The following SLF1 variants were observed in gnomAD, a reference collection of about 807,000 sequenced individuals.
SLF1 encodes the protein SMC5-SMC6 complex localization factor protein 1.
In SLF1, 105 loss-of-function variants were observed where a neutral mutation model predicts 123.0. The observed-to-expected ratio is 0.85, with a 90% CI of 0.73 to 1.00. The LOEUF is 1.00. Among genes scored for constraint, SLF1 ranks in the 50% least tolerant of loss-of-function variants. The probability of loss-of-function intolerance (pLI) is 0.00; values close to 1 mark genes in which losing one functional copy is unlikely to be tolerated. For synonymous variants in SLF1, 434 were observed against 406.6 expected (o/e 1.07, Z -0.81); for missense variants, 1,239 against 1,223.0 (o/e 1.01, Z -0.20).
intron 13 of SLF1, 119 bp downstream of exon 13, chr5:94,670,398 A>G (rs1438346055): frequency 5.6e-6 from 5 of 900,672 alleles, no homozygotes; most frequent in Middle Eastern, 3.7e-4. Context: ...CTATTTTAAG[A>G]TAGATTTGTT....
intron 1 of SLF1, among the ~76,000 whole-genome samples, chr5:94,620,415 G>A (rs1379023401): frequency 6.6e-6 from 1 of 152,044 alleles, no homozygotes; most frequent in African/African-American, 2.4e-5. Context: ...GATCAAATGT[G>A]GTTACTTTTC....
Position 94,628,868 on chromosome 5 carries a change from A to G in SLF1, c.58A>G (p.Lys20Glu). 1 of 1,550,532 alleles carries G rather than the reference A, an allele frequency of 6.4e-7. No homozygotes were observed. Among genetic ancestry groups the G allele is most frequent in the Non-Finnish European group, 8.7e-7 (1 of 1,146,510 alleles). ...IQMTGFKMEE[K>E]EALVKLLLKL... ...GATGACAGGATTTAAGATGGAAGAA[A>G]AAGAAGCGCTAGTCAAATTACTTTT... is the stretch of plus-strand genomic sequence containing the variant. Residue 20 changes from lysine to glutamate, a missense_variant, in exon 2 of 21, where the codon AAA (lysine) becomes GAA (glutamate). Transcript: ENST00000265140.
chr5:94,664,003 C>T, intron 11 of SLF1, 95 bp downstream of exon 11: 1 of 1,254,706 alleles, frequency 8.0e-7, no homozygotes, highest in African/African-American at 1.5e-5. Flanking sequence ...TTTATTTTCC[C>T]TGTTCAGTGT....
chr5:94,663,543 T>C (rs1241743714), intron 10 of SLF1, among the ~76,000 whole-genome samples: 18 of 152,082 alleles, frequency 1.2e-4, no homozygotes, highest in Admixed American at 1.0e-3. Flanking sequence ...ATTCAGGAGG[T>C]TGAGGCAGGA....
intron 1 of SLF1, among the ~76,000 whole-genome samples, chr5:94,628,477 G>A (rs1744840283): frequency 6.6e-6 from 1 of 152,154 alleles, no homozygotes; most frequent in South Asian, 2.1e-4. Flanking sequence ...ACATTATTAT[G>A]CCAGTATTTG....
chr5:94,649,561 GA>G lies in SLF1; in HGVS notation c.705del (p.Gly236ValfsTer3). On this transcript the variant is annotated frameshift_variant, in exon 6 of 21. Coordinates refer to ENST00000265140, the MANE Select transcript of SLF1 (RefSeq NM_032290.4). LOFTEE classifies it high-confidence loss of function. ...FRKDAGFLEM[K>X]GALRETMYRT... The stretch of plus-strand genomic sequence containing the variant: ...GGAAAGATGCAGGATTTCTTGAAAT[GA>G]AAGGTGCCTTAAGAGAGACCATGTA... 6.5e-7 allele frequency: 1 copy of G among 1,538,254 alleles called. No homozygotes were observed. Among genetic ancestry groups the G allele is most frequent in the Non-Finnish European group, 8.8e-7 (1 of 1,137,668 alleles).
At chr5:94,674,244 T>C (rs935201881) in intron 14 of SLF1, among the ~76,000 whole-genome samples, 1 of 152,190 alleles carries the variant, frequency 6.6e-6, no homozygotes, top group Non-Finnish European at 1.5e-5. Flanking sequence ...ACAATTTTAC[T>C]AAGTCTTCAA....
chr5:94,691,580 T>C lies in SLF1; in HGVS notation c.2436T>C (p.His812=). The C allele has an allele frequency of 6.2e-7, 1 of 1,610,802 alleles. No individual in the cohort carries two copies. The highest frequency in any genetic ancestry group is 1.1e-5 in the South Asian group (1 of 90,358). The change falls in exon 19 of 21, where the codon CAT becomes CAC. Residue 812 remains histidine, a synonymous_variant. Coordinates refer to ENST00000265140, the MANE Select transcript of SLF1 (RefSeq NM_032290.4). The part of the protein sequence containing the change: ...KTNLKGETAL[H]RACINNQVEK... ...TTATGGCAGGAGAAACAGCCCTGCA[T>C]AGAGCTTGCATAAATAACCAAGTGG...
chr5:94,628,382 C>T (rs940276182), intron 1 of SLF1, among the ~76,000 whole-genome samples: 2 of 152,190 alleles, frequency 1.3e-5, no homozygotes, highest in East Asian at 1.9e-4. Flanking sequence ...CGTGATCCGC[C>T]GGCCTCGGCC....
In SLF1 at chr5:94,670,147, T is replaced by C; in HGVS notation, c.1533-4T>C. The C allele has an allele frequency of 6.5e-7, 1 of 1,533,984 alleles. No homozygotes were observed. Among genetic ancestry groups the C allele is most frequent in the African/African-American group, 1.4e-5 (1 of 72,150 alleles). On this transcript the variant is annotated splice_region_variant and splice_polypyrimidine_tract_variant and intron_variant, in intron 12 of 20. Transcript: ENST00000265140. Reference sequence around the variant, plus strand: ...TTATAGATTTTTGGGTTCATGTTTTTCAGGTCTTGCCTTTTCAATGAAAGC... The same window carrying C: ...TTATAGATTTTTGGGTTCATGTTTTCCAGGTCTTGCCTTTTCAATGAAAGC...
At chr5:94,639,259 C>T (rs899128549) in intron 4 of SLF1, among the ~76,000 whole-genome samples, 3 of 151,974 alleles carry the variant, frequency 2.0e-5, no homozygotes, top group African/African-American at 7.3e-5. Context: ...AGGCTGGTCT[C>T]GAACTTCTGA....
chr5:94,662,216 GTTTT>G, intron 9 of SLF1, 78 bp from the exon 10 acceptor site: 1 of 1,221,484 alleles, frequency 8.2e-7, no homozygotes, highest in South Asian at 1.5e-5. Context: ...TGTTTTATAT[GTTTT>G]TCCAAGGTTT....
At chr5:94,683,108 T>A (rs1169838705) in intron 15 of SLF1, among the ~76,000 whole-genome samples, 1 of 152,226 alleles carries the variant, frequency 6.6e-6, no homozygotes, top group East Asian at 1.9e-4. Flanking sequence ...GGTTTTTTTT[T>A]CATATCTTTG....
chr5:94,675,988 G>A (rs931784217), intron 14 of SLF1, among the ~76,000 whole-genome samples: 5 of 149,994 alleles, frequency 3.3e-5, no homozygotes, highest in African/African-American at 1.2e-4. Flanking sequence ...TCACTTTGTG[G>A]GCTAACATCC....
chr5:94,681,955 C>G (rs1050917994), intron 15 of SLF1, among the ~76,000 whole-genome samples: 4 of 152,160 alleles, frequency 2.6e-5, no homozygotes, highest in Non-Finnish European at 5.9e-5. Flanking sequence ...ATGTTTAAAA[C>G]TTTTAAATTG....
intron 11 of SLF1, among the ~76,000 whole-genome samples, chr5:94,665,136 T>C (rs1408398990): frequency 6.6e-6 from 1 of 152,228 alleles, no homozygotes; most frequent in Non-Finnish European, 1.5e-5. Flanking sequence ...ATCTTTATTT[T>C]ACAGGTGAGG....
chr5:94,623,252 C>T (rs1791951880), intron 1 of SLF1, among the ~76,000 whole-genome samples: 1 of 151,958 alleles, frequency 6.6e-6, no homozygotes, highest in South Asian at 2.1e-4. Context: ...AACTCCATAC[C>T]ACAGAGACAG....
At chr5:94,674,437 T>G (rs1190041886) in intron 14 of SLF1, among the ~76,000 whole-genome samples, 2 of 152,236 alleles carry the variant, frequency 1.3e-5, no homozygotes, top group African/African-American at 2.4e-5. Context: ...CAAATTAATA[T>G]TTTATTTAAC....
chr5:94,636,077 T>A (rs1401821289), intron 4 of SLF1, among the ~76,000 whole-genome samples: 1 of 152,138 alleles, frequency 6.6e-6, no homozygotes, highest in Non-Finnish European at 1.5e-5. Flanking sequence ...TATTGGCAGT[T>A]TTTTTCCTTT....
Sources: gnomAD v4.1 joint callset for allele counts (sites outside exome capture counted in the v4.1 genomes callset) on GRCh38, gnomAD v4.1.1 for gene constraint, MANE v1.5 for transcripts, NCBI Gene and HGNC (gene_info 2026-07-23, HGNC 2026-07-21) for gene names.